The following GDPD4 variants were observed in gnomAD, a reference collection of about 807,000 sequenced individuals.
GDPD4 encodes the protein glycerophosphodiester phosphodiesterase domain containing 4, also known as glycerophosphodiester phosphodiesterase 6.
A neutral mutation model predicts 67.8 loss-of-function variants in GDPD4; 60 were observed. The observed-to-expected ratio is 0.88, with a 90% CI of 0.72 to 1.10. GDPD4 has a LOEUF of 1.10. Among genes scored for constraint, GDPD4 ranks in the 50% least tolerant of loss-of-function variants. The pLI, the probability that GDPD4 is intolerant of heterozygous loss-of-function variation, is 0.00. For missense variants in GDPD4, 623 were observed against 613.9 expected (o/e 1.01, Z -0.16); for synonymous variants, 212 against 210.9 (o/e 1.00, Z -0.04).
At chr11:77,263,121 A>T (rs1362716797) in intron 10 of GDPD4, among the ~76,000 whole-genome samples, 1 of 152,166 alleles carries the variant, frequency 6.6e-6, no homozygotes, top group Non-Finnish European at 1.5e-5. Context: ...ACTGTAAAAA[A>T]GATTAAAATA....
chr11:77,289,303 C>T (rs982976252), intron 1 of GDPD4, among the ~76,000 whole-genome samples: 3 of 148,270 alleles, frequency 2.0e-5, no homozygotes, highest in South Asian at 2.2e-4. Flanking sequence ...GCGGAGGTTG[C>T]AGTGAGCCAA....
At chr11:77,266,488 A>T (rs1959178655) in intron 10 of GDPD4, among the ~76,000 whole-genome samples, 1 of 152,192 alleles carries the variant, frequency 6.6e-6, no homozygotes, top group Non-Finnish European at 1.5e-5. Flanking sequence ...TTACTACACT[A>T]CACTTTTTAT....
intron 11 of GDPD4, among the ~76,000 whole-genome samples, chr11:77,252,062 T>G (rs55754982): frequency 0.29 from 36,124 of 125,148 alleles, 5,815 homozygotes; most frequent in South Asian, 0.46. Flanking sequence ...TTGTTTTTTT[T>G]TTGTTTTTTT....
intron 5 of GDPD4, among the ~76,000 whole-genome samples, chr11:77,275,108 T>C (rs112359347): frequency 0.03 from 4,614 of 152,330 alleles, 95 homozygotes; most frequent in Non-Finnish European, 0.045. Context: ...CTTGAGATGA[T>C]GGATATCCTA....
intron 13 of GDPD4, among the ~76,000 whole-genome samples, chr11:77,237,761 GAAAC>G (rs1278280785): frequency 1.3e-5 from 2 of 152,140 alleles, no homozygotes; most frequent in Non-Finnish European, 2.9e-5. Context: ...GGATAACAAA[GAAAC>G]AATATATCAA....
chr11:77,255,194 G>A (rs1194599771), intron 11 of GDPD4, among the ~76,000 whole-genome samples: 1 of 152,230 alleles, frequency 6.6e-6, no homozygotes, highest in East Asian at 1.9e-4. Context: ...AAAAGTCACT[G>A]CAATAACAGA....
intron 10 of GDPD4, among the ~76,000 whole-genome samples, chr11:77,265,360 G>T (rs1278696349): frequency 7.2e-5 from 11 of 152,112 alleles, no homozygotes; most frequent in Non-Finnish European, 1.6e-4. Flanking sequence ...ATAAACTGGA[G>T]CAGTATATAG....
intron 10 of GDPD4, among the ~76,000 whole-genome samples, chr11:77,263,369 C>CA (rs889091739): frequency 6.6e-6 from 1 of 151,486 alleles, no homozygotes; most frequent in Non-Finnish European, 1.5e-5. Context: ...ATGCTTTACA[C>CA]AAAAATGTAT....
chr11:77,275,871 ATT>A (rs2135878347), intron 5 of GDPD4, among the ~76,000 whole-genome samples: 1 of 152,334 alleles, frequency 6.6e-6, no homozygotes, highest in African/African-American at 2.4e-5. Context: ...AGTGCCTAAG[ATT>A]TTACTGGAAT....
rs571270679 is a variant in GDPD4, at chr11:77,239,457, A to C, written c.1241+4237T>G. On this transcript the variant is annotated intron_variant, in intron 13 of 16. Coordinates refer to ENST00000315938, the MANE Select transcript of GDPD4 (RefSeq NM_182833.3). ...TCCTAAAGAATCCACAAAAATACTA[A>C]AACTAATACATTCAGTTTATCGGTT... Among the ~76,000 whole-genome samples the C allele has an allele frequency of 1.4e-4, 21 of 152,356 alleles. No individual in the cohort carries two copies. In the South Asian group the frequency reaches 4.4e-3, roughly 32 times the overall value.
At chr11:77,276,344 G>GTT in intron 4 of GDPD4, 124 bp from the exon 5 acceptor site, 2 of 743,972 alleles carry the variant, frequency 2.7e-6, no homozygotes, top group South Asian at 3.1e-5. Context: ...TGCTATACCT[G>GTT]TACTTTATTT....
chr11:77,217,354 TCTC>T (rs781124243), intron 16 of GDPD4, 40 bp from the exon 17 acceptor site: 1 of 1,460,628 alleles, frequency 6.8e-7, no homozygotes, highest in South Asian at 1.1e-5. Flanking sequence ...AAATGTCACT[TCTC>T]CACTCTCTGT....
At position 77,271,486 on chromosome 11, in the gene GDPD4, G is replaced by A. The variant is rs1011871918; in HGVS notation, c.208-93C>T. 7.1e-5 allele frequency: 52 copies of A among 734,166 alleles called. No individual in the cohort carries two copies. In the Middle Eastern group the frequency reaches 1.2e-3, roughly 16 times the overall value. 45.5% of individuals were successfully genotyped at this position (734,166 alleles called of 1,614,324 possible). A position where few individuals can be genotyped will look rare whatever the true frequency, so the allele number is the denominator to read the frequency against. On this transcript the variant is annotated intron_variant, in intron 5 of 16. Coordinates refer to ENST00000315938, the MANE Select transcript of GDPD4 (RefSeq NM_182833.3). ...TTATATGTGTGTCTTCACAATGTCA[G>A]GGACCTTATCTGCTTCCTCATTCTT...
intron 16 of GDPD4, among the ~76,000 whole-genome samples, chr11:77,221,528 G>A (rs905694019): frequency 1.3e-5 from 2 of 152,188 alleles, no homozygotes; most frequent in African/African-American, 4.8e-5. Context: ...CAGTTTCCAT[G>A]TAGTTGAGAG....
Position 77,227,846 on chromosome 11 carries a change from C to A in GDPD4, c.1525+18G>T, listed in dbSNP as rs1312664321. 3.1e-6 allele frequency: 5 copies of A among 1,593,798 alleles called. No individual in the cohort carries two copies. Among genetic ancestry groups the A allele is most frequent in the Non-Finnish European group, 4.3e-6 (5 of 1,163,820 alleles). Reference sequence around the variant, plus strand: ...GTAGGGATGAAGAGACAGGAGTGGGCTAGGCCTCTGACTTTACCTGTGCGA... The same window carrying A: ...GTAGGGATGAAGAGACAGGAGTGGGATAGGCCTCTGACTTTACCTGTGCGA... On this transcript the variant is annotated intron_variant, in intron 16 of 16. Transcript: ENST00000315938.
At chr11:77,276,954 C>G (rs898237144) in intron 4 of GDPD4, among the ~76,000 whole-genome samples, 2 of 151,910 alleles carry the variant, frequency 1.3e-5, no homozygotes, top group Non-Finnish European at 2.9e-5. Flanking sequence ...AGTTACATGC[C>G]TTGACCAAGG....
At chr11:77,246,469 G>A (rs1432581829) in intron 11 of GDPD4, among the ~76,000 whole-genome samples, 1 of 152,150 alleles carries the variant, frequency 6.6e-6, no homozygotes, top group Non-Finnish European at 1.5e-5. Context: ...TATACAATTA[G>A]AGACAAATTT....
chr11:77,239,607 T>C (rs190497893), intron 13 of GDPD4, among the ~76,000 whole-genome samples: 14 of 152,214 alleles, frequency 9.2e-5, no homozygotes, highest in Middle Eastern at 3.4e-3. Context: ...AAAATAGAAT[T>C]CTTAGGAATA....
In GDPD4 at chr11:77,273,699, T is replaced by C. The variant is rs148514829; in HGVS notation, c.208-2306A>G. 2.2e-3 allele frequency among the ~76,000 whole-genome samples: 336 copies of C among 152,348 alleles called. 1 individual carries two copies. Among genetic ancestry groups the C allele is most frequent in the African/African-American group, 7.3e-3 (305 of 41,586 alleles). On this transcript the variant is annotated intron_variant, in intron 5 of 16. Transcript: ENST00000315938. The stretch of plus-strand genomic sequence containing the variant: ...CAAAGAGGTTCTGATTGTTTGGTTA[T>C]CTGAAGCCTAGGCTCATTGGTAGCC...
Sources: gnomAD v4.1 joint callset for allele counts (sites outside exome capture counted in the v4.1 genomes callset) on GRCh38, gnomAD v4.1.1 for gene constraint, MANE v1.5 for transcripts, NCBI Gene and HGNC (gene_info 2026-07-23, HGNC 2026-07-21) for gene names.